TENM2: variants seen among roughly 807,000 people sequenced by gnomAD.
TENM2 encodes the protein teneurin-2.
In TENM2, 52 loss-of-function variants were observed where a neutral mutation model predicts 245.2. That is an observed-to-expected ratio of 0.21 (90% CI 0.17 to 0.27). TENM2 has a LOEUF of 0.27. TENM2 is among the 10% of genes least tolerant of loss of function. The pLI, the probability that TENM2 is intolerant of heterozygous loss-of-function variation, is 1.00. For synonymous variants in TENM2, 1,363 were observed against 1,438.9 expected (o/e 0.95, Z 1.19); for missense variants, 3,046 against 3,666.8 (o/e 0.83, Z 4.37).
At chr5:168,072,170 G>A (rs1581219550) in intron 7 of TENM2, among the ~76,000 whole-genome samples, 2 of 152,174 alleles carry the variant, frequency 1.3e-5, no homozygotes, top group African/African-American at 2.4e-5. Context: ...CATTGCTAAA[G>A]ACAATTAGAT....
At chr5:168,036,677 G>GTGTATATATATATA (rs575960979) in intron 5 of TENM2, among the ~76,000 whole-genome samples, 1 of 117,794 alleles carries the variant, frequency 8.5e-6, no homozygotes, top group East Asian at 2.5e-4. Context: ...ATATGTATGT[G>GTGTATATATATATA]TATATATATA....
chr5:167,605,523 G>A (rs1429335308), intron 2 of TENM2, among the ~76,000 whole-genome samples: 4 of 152,136 alleles, frequency 2.6e-5, no homozygotes, highest in Non-Finnish European at 4.4e-5. Flanking sequence ...TGTTCCCCTG[G>A]AGTCACTGCT....
intron 13 of TENM2, chr5:168,185,998 T>TTA (rs1053853740): frequency 1.2e-4 from 15 of 121,722 alleles, no homozygotes; most frequent in South Asian, 5.2e-4. Context: ...ATATTTGAAT[T>TTA]TATATATATA....
At chr5:167,371,336 T>TTTG (rs1554140820) in intron 1 of TENM2, among the ~76,000 whole-genome samples, 2 of 148,356 alleles carry the variant, frequency 1.3e-5, no homozygotes, top group African/African-American at 2.5e-5. Context: ...GGCTCCCTGT[T>TTTG]TTTTTTTTTT....
intron 2 of TENM2, among the ~76,000 whole-genome samples, chr5:167,784,322 T>C (rs1764417762): frequency 6.6e-6 from 1 of 152,188 alleles, no homozygotes; most frequent in Non-Finnish European, 1.5e-5. Context: ...AACAGAACAA[T>C]GTGTGTGAAT....
intron 2 of TENM2, among the ~76,000 whole-genome samples, chr5:167,729,964 G>C (rs942778177): frequency 3.1e-4 from 47 of 152,190 alleles, no homozygotes; most frequent in Admixed American, 3.3e-4. Context: ...ACTATAAAGA[G>C]ATCTATCTCT....
chr5:168,164,026 T>G (rs536752249), intron 13 of TENM2, among the ~76,000 whole-genome samples: 3 of 152,306 alleles, frequency 2.0e-5, no homozygotes, highest in Admixed American at 6.5e-5. Flanking sequence ...GCATGAGAAT[T>G]TCTTCATTAT....
At chr5:167,106,923 A>G in the TENM2 span, among the ~76,000 whole-genome samples, 516 of 152,156 alleles carry the variant, frequency 3.4e-3, 1 homozygote, top group Non-Finnish European at 5.6e-3. Context: ...CAAAAATGCA[A>G]CAAACAAAAA....
At chr5:167,652,730 A>T (rs147647400) in intron 2 of TENM2, among the ~76,000 whole-genome samples, 1 of 152,110 alleles carries the variant, frequency 6.6e-6, no homozygotes, top group African/African-American at 2.4e-5. Context: ...CTTTATTTGT[A>T]CTTCCCTTTG....
chr5:167,272,685 A>C, the TENM2 span, among the ~76,000 whole-genome samples: 1 of 152,064 alleles, frequency 6.6e-6, no homozygotes, highest in African/African-American at 2.4e-5. Flanking sequence ...ATCCATCCCC[A>C]CTTAGATTTA....
the TENM2 span, among the ~76,000 whole-genome samples, chr5:167,171,923 T>C: frequency 6.6e-6 from 1 of 152,106 alleles, no homozygotes; most frequent in East Asian, 1.9e-4. Flanking sequence ...GACAAACTAA[T>C]AAAAGATCTT....
chr5:167,897,123 C>T (rs958789371), intron 3 of TENM2, among the ~76,000 whole-genome samples: 1 of 152,192 alleles, frequency 6.6e-6, no homozygotes, highest in African/African-American at 2.4e-5. Flanking sequence ...CCCCTCGCTT[C>T]CTGATTAATC....
intron 5 of TENM2, among the ~76,000 whole-genome samples, chr5:168,010,745 C>G (rs1385788509): frequency 6.6e-6 from 1 of 152,264 alleles, no homozygotes; most frequent in African/African-American, 2.4e-5. Flanking sequence ...CACTCCTATT[C>G]TGCAGCTACG....
chr5:167,915,114 A>G (rs970079641), intron 3 of TENM2, among the ~76,000 whole-genome samples: 10 of 152,168 alleles, frequency 6.6e-5, no homozygotes, highest in Admixed American at 6.5e-4. Context: ...CCATTATCCC[A>G]CCTACCATAC....
chr5:167,792,819 T>A (rs909594589), intron 2 of TENM2, among the ~76,000 whole-genome samples: 86 of 152,270 alleles, frequency 5.6e-4, no homozygotes, highest in African/African-American at 2.0e-3. Context: ...GGTGTCAGCA[T>A]GTGCAATGTT....
At chr5:167,262,399 T>TG in the TENM2 span, among the ~76,000 whole-genome samples, 93 of 120,138 alleles carry the variant, frequency 7.7e-4, no homozygotes, top group East Asian at 0.01. Flanking sequence ...GCTTTTTTTT[T>TG]GGGGGGGCGG....
the TENM2 span, among the ~76,000 whole-genome samples, chr5:167,210,034 T>G: frequency 6.6e-6 from 1 of 152,248 alleles, no homozygotes; most frequent in Non-Finnish European, 1.5e-5. Context: ...TACAGTGCTA[T>G]AAACAGGATA....
intron 2 of TENM2, chr5:167,653,212 G>A (rs180781674): frequency 7.2e-5 from 11 of 152,124 alleles, no homozygotes; most frequent in Admixed American, 3.9e-4. Flanking sequence ...AGCAAAGAAT[G>A]TGATGGAAAA....
intron 2 of TENM2, among the ~76,000 whole-genome samples, chr5:167,573,731 C>T (rs1485505383): frequency 6.6e-6 from 1 of 152,100 alleles, no homozygotes; most frequent in Non-Finnish European, 1.5e-5. Context: ...GTATGCAGCT[C>T]AGTTTGATCG....
Sources: gnomAD v4.1 joint callset for allele counts (sites outside exome capture counted in the v4.1 genomes callset) on GRCh38, gnomAD v4.1.1 for gene constraint, MANE v1.5 for transcripts, NCBI Gene and HGNC (gene_info 2026-07-23, HGNC 2026-07-21) for gene names.